Variants in PLCB1 observed in about 807,000 individuals in gnomAD.
PLCB1 encodes the protein 1-phosphatidylinositol 4,5-bisphosphate phosphodiesterase beta-1.
A neutral mutation model predicts 161.8 loss-of-function variants in PLCB1; 46 were observed. That is an observed-to-expected ratio of 0.28 (90% CI 0.22 to 0.36). The LOEUF (loss-of-function observed/expected upper bound fraction) is 0.36. Ranked by LOEUF, PLCB1 falls within the 10% of genes least tolerant of loss-of-function variation. The pLI, the probability that PLCB1 is intolerant of heterozygous loss-of-function variation, is 1.00. For missense variants in PLCB1, 1,016 were observed against 1,472.5 expected, an observed-to-expected ratio of 0.69 and a Z score of 5.07; for synonymous variants, 517 against 503.7, an observed-to-expected ratio of 1.03 and a Z score of -0.35.
At chr20:8,354,413 A>G (rs922215807) in intron 2 of PLCB1, among the ~76,000 whole-genome samples, 1 of 152,190 alleles carries the variant, frequency 6.6e-6, no homozygotes, top group African/African-American at 2.4e-5. Flanking sequence ...AAACACTTCC[A>G]TTACTAGAAC....
At chr20:8,794,574 C>A (rs961207626) in intron 31 of PLCB1, among the ~76,000 whole-genome samples, 1 of 152,162 alleles carries the variant, frequency 6.6e-6, no homozygotes, top group African/African-American at 2.4e-5. Flanking sequence ...TCTTCCATTT[C>A]TTTCACCATG....
At position 8,884,026 on chromosome 20, in the gene PLCB1, G is replaced by GAGAT. The variant is rs755058166; in HGVS notation, c.*2181_*2184dup. 5.3e-4 allele frequency: 81 copies of GAGAT among 152,402 alleles called. No individual in the cohort carries two copies. The highest frequency in any genetic ancestry group is 1.8e-3 in the African/African-American group (73 of 41,552). The allele number at this position is 152,402 out of a possible 1,614,324, so 9.4% of individuals were successfully genotyped here. Reference sequence around the variant, plus strand: ...GAACATTGTATCACATTTTAGTCCAGAGATAGAATAAAGTTGAATAACCTT... The same window carrying GAGAT: ...GAACATTGTATCACATTTTAGTCCAGAGATAGATAGAATAAAGTTGAATAACCTT... On this transcript the variant is annotated 3_prime_UTR_variant, in exon 32 of 32. Coordinates refer to ENST00000338037, the MANE Select transcript of PLCB1 (RefSeq NM_015192.4).
At chr20:8,830,016 T>G (rs6086618) in intron 31 of PLCB1, among the ~76,000 whole-genome samples, 43,951 of 152,106 alleles carry the variant, frequency 0.29, 6,514 homozygotes, top group Middle Eastern at 0.41. Context: ...GTACTTACAC[T>G]ACCAGTGGTC....
At chr20:8,629,812 CTTT>C (rs1988475197) in intron 4 of PLCB1, among the ~76,000 whole-genome samples, 1 of 78,532 alleles carries the variant, frequency 1.3e-5, no homozygotes, top group Admixed American at 1.3e-4. Context: ...TCTTTCTTTT[CTTT>C]CTTTTCTTTC....
intron 3 of PLCB1, among the ~76,000 whole-genome samples, chr20:8,393,400 G>T (rs969581682): frequency 2.0e-5 from 3 of 152,054 alleles, no homozygotes; most frequent in Non-Finnish European, 2.9e-5. Context: ...ATCTAGGTGT[G>T]GTGGCTCACA....
chr20:8,705,833 G>T (rs886475953), intron 11 of PLCB1, among the ~76,000 whole-genome samples: 1 of 152,220 alleles, frequency 6.6e-6, no homozygotes, highest in Admixed American at 6.5e-5. Context: ...ATCAAGTTAG[G>T]CTGTGTAGAT....
At chr20:8,433,151 G>A (rs910384012) in intron 3 of PLCB1, among the ~76,000 whole-genome samples, 7 of 152,132 alleles carry the variant, frequency 4.6e-5, no homozygotes, top group African/African-American at 1.2e-4. Context: ...TGCAGCATCC[G>A]GTCCTCTCTT....
intron 19 of PLCB1, among the ~76,000 whole-genome samples, chr20:8,733,783 G>GTAT (rs1361605647): frequency 1.2e-5 from 1 of 82,656 alleles, no homozygotes; most frequent in South Asian, 4.8e-4. Context: ...AAAACTTAAA[G>GTAT]TATAATAATA....
chr20:8,859,035 A>T (rs993145776), intron 31 of PLCB1, among the ~76,000 whole-genome samples: 6 of 152,140 alleles, frequency 3.9e-5, no homozygotes, highest in African/African-American at 1.4e-4. Context: ...TGGGCAAGGA[A>T]ACTGGGCAAC....
At chr20:8,447,647 AG>A (rs1980895084) in intron 3 of PLCB1, among the ~76,000 whole-genome samples, 1 of 152,190 alleles carries the variant, frequency 6.6e-6, no homozygotes, top group Admixed American at 6.5e-5. Flanking sequence ...AAAGGTACAG[AG>A]GAATATAATT....
chr20:8,838,297 A>G (rs1405858185), intron 31 of PLCB1, among the ~76,000 whole-genome samples: 7 of 152,146 alleles, frequency 4.6e-5, no homozygotes, highest in African/African-American at 1.7e-4. Flanking sequence ...GTGACTATGC[A>G]TTGGAGAAAA....
intron 9 of PLCB1, among the ~76,000 whole-genome samples, chr20:8,673,848 G>C (rs188966596): frequency 6.6e-6 from 1 of 152,272 alleles, no homozygotes; most frequent in African/African-American, 2.4e-5. Flanking sequence ...GAGTTCTAAA[G>C]ATCAGCAGTG....
At chr20:8,792,575 T>C (rs770948758) in intron 31 of PLCB1, 2 of 471,186 alleles carry the variant, frequency 4.2e-6, no homozygotes, top group African/African-American at 4.0e-5. Context: ...CTGCGTTTTT[T>C]ATTGTAAATA....
intron 3 of PLCB1, among the ~76,000 whole-genome samples, chr20:8,627,851 C>G (rs1280163340): frequency 6.6e-6 from 1 of 152,208 alleles, no homozygotes; most frequent in African/African-American, 2.4e-5. Context: ...AGCAGGTCTA[C>G]GCTGAGAGCC....
chr20:8,538,774 C>T (rs972142849), intron 3 of PLCB1, among the ~76,000 whole-genome samples: 22 of 151,576 alleles, frequency 1.5e-4, no homozygotes, highest in Non-Finnish European at 2.8e-4. Context: ...TTTCTATTCC[C>T]CATTTTATTT....
At chr20:8,777,659 C>T (rs1205917716) in intron 27 of PLCB1, among the ~76,000 whole-genome samples, 2 of 149,514 alleles carry the variant, frequency 1.3e-5, no homozygotes, top group Admixed American at 1.3e-4. Context: ...GTGGAGGTTG[C>T]AGTGAGCCGA....
chr20:8,353,476 A>G (rs1986251767), intron 2 of PLCB1, among the ~76,000 whole-genome samples: 1 of 152,094 alleles, frequency 6.6e-6, no homozygotes, highest in Admixed American at 6.6e-5. Context: ...GAGGGGATAA[A>G]GAGTAATTGT....
intron 12 of PLCB1, chr20:8,716,033 A>G (rs1452063835): frequency 5.9e-6 from 3 of 508,200 alleles, no homozygotes; most frequent in Non-Finnish European, 1.1e-5. Context: ...ACCTATGTCT[A>G]TGCAGGTCTG....
chr20:8,875,812 A>T (rs1332383113), intron 31 of PLCB1, among the ~76,000 whole-genome samples: 1 of 151,988 alleles, frequency 6.6e-6, no homozygotes, highest in Non-Finnish European at 1.5e-5. Context: ...TCTTATATTT[A>T]TGCCACATTT....
Sources: gnomAD v4.1 joint callset for allele counts (sites outside exome capture counted in the v4.1 genomes callset) on GRCh38, gnomAD v4.1.1 for gene constraint, MANE v1.5 for transcripts, NCBI Gene and HGNC (gene_info 2026-07-23, HGNC 2026-07-21) for gene names.